The following INO80 variants were observed in gnomAD, a reference collection of about 807,000 sequenced individuals.
The protein encoded by INO80 is chromatin-remodeling ATPase INO80.
Under a neutral mutation model 203.4 loss-of-function variants are expected in INO80, and 20 were observed. That is an observed-to-expected ratio of 0.10 (90% CI 0.07 to 0.14). INO80 has a LOEUF of 0.14. INO80 is among the 10% of genes least tolerant of loss of function. The probability of loss-of-function intolerance (pLI) is 1.00; values close to 1 mark genes in which losing one functional copy is unlikely to be tolerated. For synonymous variants in INO80, 726 were observed against 685.2 expected (o/e 1.06, Z -0.93); for missense variants, 1,419 against 1,914.4 (o/e 0.74, Z 4.83).
In INO80 at chr15:40,979,472, A is replaced by C. The variant is rs991434043; in HGVS notation, c.*751T>G. The stretch of plus-strand genomic sequence containing the variant: ...CAGGATGGGCAAAGGGGACTCTGCA[A>C]GAGGGGCAGTGAGGCTGTCCTGCTG... On this transcript the variant is annotated 3_prime_UTR_variant, in exon 36 of 36. Transcript: ENST00000648947. The C allele has an allele frequency of 1.3e-5, 2 of 152,628 alleles. No homozygotes were observed. Among genetic ancestry groups the C allele is most frequent in the Non-Finnish European group, 2.9e-5 (2 of 69,028 alleles). The allele number at this position is 152,628 out of a possible 1,614,324, so 9.5% of individuals were successfully genotyped here. A position where few individuals can be genotyped will look rare whatever the true frequency, so the allele number is the denominator to read the frequency against.
chr15:41,096,424 C>G, intron 1 of INO80, 71 bp from the exon 2 acceptor site: 3 of 1,124,090 alleles, frequency 2.7e-6, no homozygotes, highest in Non-Finnish European at 3.6e-6. Context: ...CTGCTTGTTC[C>G]CAATGTGAAG....
rs771633748 is a variant in INO80, at chr15:40,984,334, A to G, written c.3940T>C (p.Leu1314=). Residue 1314 remains leucine (L), a synonymous_variant, in exon 33 of 36, where the codon TTG becomes CTG. Transcript: ENST00000648947. ...YAEKKKKEDE[L]DGKRRKEGVN... is the part of the protein sequence containing the mutation. ...CCCTCTTTTCTCCTTTTCCCATCCA[A>G]TTCATCTTCTTTTTTCTTCTGGGAA... 1 of 1,614,092 alleles carries G rather than the reference A, an allele frequency of 6.2e-7. No individual in the cohort carries two copies. The highest frequency in any genetic ancestry group is 8.5e-7 in the Non-Finnish European group (1 of 1,179,982).
intron 29 of INO80, among the ~76,000 whole-genome samples, chr15:40,996,591 T>C (rs759818931): frequency 4.4e-4 from 67 of 152,240 alleles, no homozygotes; most frequent in Non-Finnish European, 8.5e-4. Flanking sequence ...CCCAAAGTGC[T>C]GGGATTACAG....
At chr15:41,034,336 T>C (rs2140496422) in intron 24 of INO80, among the ~76,000 whole-genome samples, 1 of 152,222 alleles carries the variant, frequency 6.6e-6, no homozygotes, top group Non-Finnish European at 1.5e-5. Context: ...TTCCTTTCCC[T>C]GGGGAGTAAG....
intron 24 of INO80, among the ~76,000 whole-genome samples, chr15:41,032,265 C>A (rs1566919862): frequency 6.6e-6 from 1 of 152,144 alleles, no homozygotes; most frequent in Non-Finnish European, 1.5e-5. Context: ...TACATCTTTT[C>A]TTAAAGAGCA....
chr15:41,103,896 T>G (rs1318939145), intron 1 of INO80, among the ~76,000 whole-genome samples: 1 of 152,088 alleles, frequency 6.6e-6, no homozygotes, highest in Non-Finnish European at 1.5e-5. Flanking sequence ...CAGACCTGTC[T>G]CACTTCGCGC....
At chr15:41,026,466 T>C (rs2044375951) in intron 25 of INO80, among the ~76,000 whole-genome samples, 1 of 151,726 alleles carries the variant, frequency 6.6e-6, no homozygotes. Context: ...GGTGGGAGGA[T>C]CACTTGAGCC....
chr15:40,986,788 A>G (rs1196102559), intron 31 of INO80, among the ~76,000 whole-genome samples: 2 of 151,828 alleles, frequency 1.3e-5, no homozygotes, highest in East Asian at 3.9e-4. Flanking sequence ...ACCATGCCCA[A>G]CTAATTTTTT....
At chr15:41,103,711 T>C (rs2045840732) in intron 1 of INO80, among the ~76,000 whole-genome samples, 1 of 152,162 alleles carries the variant, frequency 6.6e-6, no homozygotes, top group Admixed American at 6.6e-5. Flanking sequence ...ATTCTGATTA[T>C]GCCATTAGTT....
At chr15:41,054,095 C>T in intron 18 of INO80, 81 bp from the exon 19 acceptor site, 1 of 1,095,554 alleles carries the variant, frequency 9.1e-7, no homozygotes, top group Non-Finnish European at 1.3e-6. Context: ...ATTCACCTCT[C>T]ACCAAACTCT....
At chr15:41,016,982 C>A (rs778458999) in intron 26 of INO80, 1 of 152,182 alleles carries the variant, frequency 6.6e-6, no homozygotes, top group African/African-American at 2.4e-5. Flanking sequence ...TACCCAGCCC[C>A]CCTACCCTTT....
chr15:41,021,606 A>G (rs973177023), intron 25 of INO80, among the ~76,000 whole-genome samples: 10 of 152,224 alleles, frequency 6.6e-5, no homozygotes, highest in Admixed American at 6.5e-4. Flanking sequence ...AAGCTCCCAA[A>G]TTTATCAACA....
intron 14 of INO80, among the ~76,000 whole-genome samples, chr15:41,063,711 C>T (rs1199952503): frequency 6.6e-6 from 1 of 152,012 alleles, no homozygotes; most frequent in African/African-American, 2.4e-5. Context: ...ACGGAGGTTG[C>T]AGTGAGCTGA....
At position 40,980,063 on chromosome 15, in the gene INO80, A is replaced by G; in HGVS notation, c.*160T>C. ...TGCTCCTGATGAGACACAGATGATA[A>G]AAGTGCTCACACCATCCACCTGCCT... On this transcript the variant is annotated 3_prime_UTR_variant, in exon 36 of 36. Coordinates refer to ENST00000648947, the MANE Select transcript of INO80 (RefSeq NM_017553.3). The G allele has an allele frequency of 3.1e-6, 2 of 653,084 alleles. No homozygotes were observed. Among genetic ancestry groups the G allele is most frequent in the Non-Finnish European group, 5.4e-6 (2 of 371,764 alleles). The allele number at this position is 653,084 out of a possible 1,614,324, so 40.5% of individuals were successfully genotyped here.
intron 8 of INO80, among the ~76,000 whole-genome samples, 200 bp downstream of exon 8, chr15:41,080,820 T>G (rs1325599023): frequency 6.6e-6 from 1 of 152,092 alleles, no homozygotes; most frequent in Non-Finnish European, 1.5e-5. Context: ...GCCACTGCAC[T>G]CCAGCCTGGG....
intron 18 of INO80, among the ~76,000 whole-genome samples, chr15:41,054,215 T>A (rs1480966957): frequency 6.6e-6 from 1 of 152,228 alleles, no homozygotes; most frequent in Admixed American, 6.5e-5. Flanking sequence ...GTCAACAGGA[T>A]AAATATACTA....
At chr15:41,086,128 T>C (rs1272480587) in intron 6 of INO80, among the ~76,000 whole-genome samples, 3 of 152,190 alleles carry the variant, frequency 2.0e-5, no homozygotes, top group Admixed American at 6.6e-5. Flanking sequence ...AAGGTGGCTA[T>C]ACATCTATGC....
At chr15:41,001,690 A>G (rs116972168) in intron 28 of INO80, among the ~76,000 whole-genome samples, 745 of 152,340 alleles carry the variant, frequency 4.9e-3, no homozygotes, top group Non-Finnish European at 7.7e-3. Flanking sequence ...CTGCCCCGTC[A>G]GGACATCCTG....
chr15:41,090,977 T>A (rs1051453968), intron 5 of INO80, among the ~76,000 whole-genome samples: 1 of 147,686 alleles, frequency 6.8e-6, no homozygotes, highest in African/African-American at 2.6e-5. Context: ...CAGGCAAGAG[T>A]GCAGTGGCTC....
Sources: gnomAD v4.1 joint callset for allele counts (sites outside exome capture counted in the v4.1 genomes callset) on GRCh38, gnomAD v4.1.1 for gene constraint, MANE v1.5 for transcripts, NCBI Gene and HGNC (gene_info 2026-07-23, HGNC 2026-07-21) for gene names.